Variants in LOC400499 observed in about 807,000 individuals in gnomAD.
chr16:11,501,014 C>G, the LOC400499 span: 2 of 398,732 alleles, frequency 5.0e-6, no homozygotes, highest in African/African-American at 4.1e-5. Context: ...GCCTGCAAAG[C>G]TCATCTCACC....
chr16:11,460,386 ATC>A, the LOC400499 span: 1 of 1,369,444 alleles, frequency 7.3e-7, no homozygotes, highest in Non-Finnish European at 9.6e-7. Flanking sequence ...GAGCAAGTCC[ATC>A]TCTTTGGGGA....
At chr16:11,511,941 C>G in the LOC400499 span, among the ~76,000 whole-genome samples, 1 of 152,028 alleles carries the variant, frequency 6.6e-6, no homozygotes, top group African/African-American at 2.4e-5. Flanking sequence ...CCCCTTGACC[C>G]CAGGAGGCCA....
At chr16:11,379,333 T>C in the LOC400499 span, among the ~76,000 whole-genome samples, 1 of 152,248 alleles carries the variant, frequency 6.6e-6, no homozygotes, top group Non-Finnish European at 1.5e-5. Context: ...GTTTGCTTAA[T>C]ATATTTAGGA....
the LOC400499 span, among the ~76,000 whole-genome samples, chr16:11,465,940 A>G: frequency 2.0e-5 from 3 of 152,216 alleles, no homozygotes; most frequent in South Asian, 2.1e-4. Flanking sequence ...GAAAAAACAT[A>G]TAAACCTTGT....
At chr16:11,447,046 T>A in the LOC400499 span, 24 of 1,037,860 alleles carry the variant, frequency 2.3e-5, no homozygotes, top group African/African-American at 3.1e-4. Flanking sequence ...GAAGAGAACA[T>A]CAGGACACCT....
At chr16:11,473,342 T>TAA in the LOC400499 span, among the ~76,000 whole-genome samples, 2 of 120,000 alleles carry the variant, frequency 1.7e-5, no homozygotes, top group East Asian at 4.5e-4. Context: ...AACCTTACTC[T>TAA]AAAAAAAAAA....
chr16:11,390,234 C>T, the LOC400499 span: 7 of 1,232,552 alleles, frequency 5.7e-6, no homozygotes, highest in East Asian at 2.2e-4. Context: ...AGAGCTGGCT[C>T]AGTCATCCTC....
At chr16:11,525,884 A>G in the LOC400499 span, among the ~76,000 whole-genome samples, 2 of 152,238 alleles carry the variant, frequency 1.3e-5, no homozygotes, top group Non-Finnish European at 2.9e-5. Context: ...AAGGATGGGA[A>G]AACACTGCAC....
At chr16:11,393,707 C>T in the LOC400499 span, 17 of 568,230 alleles carry the variant, frequency 3.0e-5, no homozygotes, top group Middle Eastern at 5.2e-4. Context: ...TGCCCACGCC[C>T]GATCTCCAGG....
chr16:11,410,453 CA>C, the LOC400499 span, among the ~76,000 whole-genome samples: 1 of 151,820 alleles, frequency 6.6e-6, no homozygotes, highest in Non-Finnish European at 1.5e-5. Context: ...GACTGTGTCT[CA>C]AAAAAAATTT....
chr16:11,470,457 C>T, the LOC400499 span, among the ~76,000 whole-genome samples: 2 of 152,174 alleles, frequency 1.3e-5, no homozygotes. Context: ...TCGGCCTTTC[C>T]TAATTTCTCC....
the LOC400499 span, chr16:11,470,655 A>G: frequency 0.056 from 8,535 of 152,334 alleles, 480 homozygotes; most frequent in East Asian, 0.17. Context: ...AGCATGAGAC[A>G]CGCAGTGCCC....
chr16:11,420,755 C>T, the LOC400499 span, among the ~76,000 whole-genome samples: 8 of 152,202 alleles, frequency 5.3e-5, no homozygotes, highest in South Asian at 2.1e-4. Context: ...GCGGCCCAGC[C>T]GTGACTGCAT....
At chr16:11,463,805 G>C in the LOC400499 span, among the ~76,000 whole-genome samples, 552 of 152,154 alleles carry the variant, frequency 3.6e-3, 2 homozygotes, top group Non-Finnish European at 6.1e-3. Context: ...ATGTTTGTGT[G>C]TATGAATATG....
At chr16:11,396,707 C>T in the LOC400499 span, 7 of 1,231,590 alleles carry the variant, frequency 5.7e-6, no homozygotes, top group Non-Finnish European at 6.1e-6. Flanking sequence ...GTCAGGCAGG[C>T]ACAGGGGTGG....
the LOC400499 span, among the ~76,000 whole-genome samples, chr16:11,381,971 C>G: frequency 1.3e-5 from 2 of 149,696 alleles, no homozygotes; most frequent in East Asian, 2.0e-4. Context: ...GAGACGGAGT[C>G]TTGCTCTGTT....
the LOC400499 span, among the ~76,000 whole-genome samples, chr16:11,408,401 G>C: frequency 6.6e-6 from 1 of 151,686 alleles, no homozygotes; most frequent in Non-Finnish European, 1.5e-5. Context: ...CACATTAGGA[G>C]GATGTTTTGC....
At chr16:11,397,665 A>G in the LOC400499 span, among the ~76,000 whole-genome samples, 1 of 152,002 alleles carries the variant, frequency 6.6e-6, no homozygotes, top group South Asian at 2.1e-4. Context: ...TGGTTGTTGG[A>G]ACAGAGACTG....
chr16:11,375,731 C>T, the LOC400499 span, among the ~76,000 whole-genome samples: 5 of 96,536 alleles, frequency 5.2e-5, no homozygotes, highest in Admixed American at 9.5e-5. Context: ...GTCCTTTGTA[C>T]ATTTTTTTTT....
Sources: allele counts gnomAD v4.1 joint callset (sites outside exome capture counted in the v4.1 genomes callset), GRCh38; gene constraint gnomAD v4.1.1; transcripts MANE v1.5.